The following H4C15 variants were observed in gnomAD, a reference collection of about 807,000 sequenced individuals.
H4C15 encodes histone H4.
downstream of H4C15, chr1:149,850,674 G>C: frequency 4.8e-6 from 2 of 415,946 alleles, no homozygotes; most frequent in Non-Finnish European, 8.1e-6. Flanking sequence ...CTCTCCTTGC[G>C]GCTGCGCTTG....
the H4C15 span, chr1:149,845,379 G>A: frequency 6.6e-6 from 1 of 152,206 alleles, no homozygotes; most frequent in Admixed American, 6.5e-5. Context: ...ATATTATTCA[G>A]GGGGCCATAT....
At chr1:149,859,021 A>C (rs2092194604), downstream of H4C15, among the ~76,000 whole-genome samples, 1 of 6,056 alleles carries the variant, frequency 1.7e-4, no homozygotes, top group Non-Finnish European at 4.1e-4. Flanking sequence ...AAAAACAATC[A>C]GTGATATTCG....
chr1:149,850,233 G>A (rs1553757574), downstream of H4C15: 2 of 971,736 alleles, frequency 2.1e-6, no homozygotes, highest in South Asian at 1.4e-5. Context: ...AAGTTAACCA[G>A]ACGTGAAGCC....
At chr1:149,849,513 C>T (rs1186539116), downstream of H4C15, among the ~76,000 whole-genome samples, 1 of 152,196 alleles carries the variant, frequency 6.6e-6, no homozygotes, top group East Asian at 1.9e-4. Flanking sequence ...TCCAGTGTTC[C>T]CAAAGCAGAA....
downstream of H4C15, among the ~76,000 whole-genome samples, chr1:149,855,424 T>TGTG (rs1247381452): frequency 1.1e-4 from 15 of 141,302 alleles, no homozygotes; most frequent in Admixed American, 4.1e-4. Flanking sequence ...TGTGTGTGTG[T>TGTG]TTAGAGGGAA....
chr1:149,846,998 GCACT>G, the H4C15 span: 2 of 152,320 alleles, frequency 1.3e-5, no homozygotes, highest in African/African-American at 4.8e-5. Flanking sequence ...AATCAAGGCT[GCACT>G]CCCTCCAGAG....
chr1:149,849,668 T>C (rs1448469915), downstream of H4C15, among the ~76,000 whole-genome samples: 1 of 152,176 alleles, frequency 6.6e-6, no homozygotes, highest in African/African-American at 2.4e-5. Context: ...GTGATAACTC[T>C]TGGGGAAAAA....
chr1:149,858,638 A>G (rs1178172952), downstream of H4C15, among the ~76,000 whole-genome samples: 2 of 80,410 alleles, frequency 2.5e-5, no homozygotes, highest in Non-Finnish European at 4.8e-5. Context: ...GAAGGAAGAA[A>G]GGAAGGAAGG....
downstream of H4C15, among the ~76,000 whole-genome samples, chr1:149,849,506 A>G (rs1459269047): frequency 1.3e-5 from 2 of 152,224 alleles, no homozygotes; most frequent in African/African-American, 4.8e-5. Flanking sequence ...TTCCAAGTCC[A>G]GTGTTCCCAA....
chr1:149,849,799 CAT>C (rs587743214), downstream of H4C15, among the ~76,000 whole-genome samples: 19 of 152,334 alleles, frequency 1.2e-4, no homozygotes, highest in South Asian at 4.1e-4. Flanking sequence ...GGAATTTTCA[CAT>C]GAGTGGTGGT....
At chr1:149,855,734 T>TTGTGTG (rs1177085725), downstream of H4C15, among the ~76,000 whole-genome samples, 26 of 24,072 alleles carry the variant, frequency 1.1e-3, 5 homozygotes, top group East Asian at 0.011. Flanking sequence ...TCTACACATT[T>TTGTGTG]TGTGTGTGTG....
the H4C15 span, chr1:149,847,014 C>T: frequency 6.6e-6 from 1 of 152,152 alleles, no homozygotes; most frequent in Admixed American, 6.5e-5. Context: ...CCTCCAGAGA[C>T]CTTAAGGGAG....
chr1:149,847,257 C>T, the H4C15 span: 1 of 152,156 alleles, frequency 6.6e-6, no homozygotes, highest in Non-Finnish European at 1.5e-5. Context: ...CTGCAAAATC[C>T]TCTTGGCTAT....
At chr1:149,849,260 C>T (rs949940232), downstream of H4C15, among the ~76,000 whole-genome samples, 7 of 152,336 alleles carry the variant, frequency 4.6e-5, no homozygotes, top group Non-Finnish European at 5.9e-5. Context: ...TAGCATATAT[C>T]ACCATCACCC....
chr1:149,846,517 T>C, the H4C15 span: 1 of 152,232 alleles, frequency 6.6e-6, no homozygotes, highest in Non-Finnish European at 1.5e-5. Context: ...TTTTAAAGTA[T>C]TTCCCATTTT....
At chr1:149,849,065 G>A (rs587768911), downstream of H4C15, 3 of 152,160 alleles carry the variant, frequency 2.0e-5, no homozygotes, top group Admixed American at 6.5e-5. Context: ...TTCTCTCAGT[G>A]TTCTATCCTA....
chr1:149,845,440 G>A, the H4C15 span: 2 of 152,234 alleles, frequency 1.3e-5, no homozygotes, highest in African/African-American at 4.8e-5. Flanking sequence ...AGGGATGACA[G>A]GTTTCATCAG....
At chr1:149,850,524 A>C (rs1172215206), downstream of H4C15, 1 of 819,626 alleles carries the variant, frequency 1.2e-6, no homozygotes, top group Non-Finnish European at 1.9e-6. Flanking sequence ...CGCTTGTTGT[A>C]GTGCGCCAGG....
At chr1:149,845,285 A>G in the H4C15 span, 1 of 152,252 alleles carries the variant, frequency 6.6e-6, no homozygotes, top group Non-Finnish European at 1.5e-5. Flanking sequence ...ATTCGGATAA[A>G]ACATGCTGGG....
Sources: gnomAD v4.1 joint callset for allele counts (sites outside exome capture counted in the v4.1 genomes callset) on GRCh38, gnomAD v4.1.1 for gene constraint, MANE v1.5 for transcripts, NCBI Gene and HGNC (gene_info 2026-07-23, HGNC 2026-07-21) for gene names.